CARM1: variants seen among roughly 807,000 people sequenced by gnomAD.
CARM1 encodes histone-arginine methyltransferase CARM1.
A neutral mutation model predicts 72.7 loss-of-function variants in CARM1; 14 were observed. The ratio of observed to expected loss-of-function variants is 0.19; its 90% CI spans 0.13 to 0.30. The LOEUF (loss-of-function observed/expected upper bound fraction) is 0.30. CARM1 is among the 10% of genes least tolerant of loss of function. The probability of loss-of-function intolerance (pLI) is 1.00; values close to 1 mark genes in which losing one functional copy is unlikely to be tolerated. For missense variants in CARM1, 432 were observed against 833.7 expected (o/e 0.52, Z 5.93); for synonymous variants, 333 against 345.5 (o/e 0.96, Z 0.40).
rs2074185456 is a variant in CARM1 at position 10,915,193 on chromosome 19, G to A, written c.847+1139G>A. 1.3e-5 allele frequency among the ~76,000 whole-genome samples: 2 copies of A among 152,166 alleles called. No individual in the cohort carries two copies. The highest frequency in any genetic ancestry group is 2.9e-5 in the Non-Finnish European group (2 of 68,024). On this transcript the variant is annotated intron_variant, in intron 6 of 15. Transcript: ENST00000327064. The surrounding 1 kb of genome is among the most constrained non-coding windows in gnomAD (Gnocchi z 4.6). ...GTGGCGTCCCACAGCTGTGTCTCAT[G>A]TCTTGGGTGTGAGTATGGGAAGCAA...
chr19:10,897,833 C>T (rs1001616361), intron 1 of CARM1, among the ~76,000 whole-genome samples: 2 of 152,094 alleles, frequency 1.3e-5, no homozygotes, highest in African/African-American at 2.4e-5. Flanking sequence ...AGGCTGGATG[C>T]GGTGGCTCAC....
At chr19:10,894,178 G>A (rs1008632483) in intron 1 of CARM1, among the ~76,000 whole-genome samples, 2 of 152,110 alleles carry the variant, frequency 1.3e-5, no homozygotes, top group Non-Finnish European at 2.9e-5. Context: ...TCCTCTCAGC[G>A]CTTACTGCCA....
chr19:10,892,466 G>A (rs2073995128), intron 1 of CARM1, among the ~76,000 whole-genome samples: 1 of 152,230 alleles, frequency 6.6e-6, no homozygotes. Flanking sequence ...CCGGGGCTGG[G>A]CAGCACAGTG....
intron 3 of CARM1, 43 bp downstream of exon 3, chr19:10,908,188 G>GC (rs748235386): frequency 3.0e-6 from 4 of 1,318,110 alleles, no homozygotes; most frequent in Admixed American, 3.5e-5. Context: ...CCCCCCGGCA[G>GC]CCCCCCTGCC....
intron 1 of CARM1, among the ~76,000 whole-genome samples, chr19:10,886,816 A>G (rs1324941719): frequency 2.0e-5 from 3 of 151,836 alleles, no homozygotes; most frequent in Non-Finnish European, 4.4e-5. Context: ...GGATGATAGA[A>G]TGAGATTCCA....
At chr19:10,898,140 C>G (rs1286173144) in intron 1 of CARM1, among the ~76,000 whole-genome samples, 1 of 151,348 alleles carries the variant, frequency 6.6e-6, no homozygotes, top group African/African-American at 2.4e-5. Context: ...AACCCTGTCT[C>G]TAATAAAAAT....
chr19:10,889,918 A>G (rs906998252), intron 1 of CARM1, among the ~76,000 whole-genome samples: 1 of 152,158 alleles, frequency 6.6e-6, no homozygotes, highest in African/African-American at 2.4e-5. Context: ...GCTTTATACT[A>G]ACTCTGGTGG....
intron 1 of CARM1, among the ~76,000 whole-genome samples, chr19:10,904,328 C>T (rs762556263): frequency 1.3e-5 from 2 of 152,242 alleles, no homozygotes; most frequent in Non-Finnish European, 1.5e-5. Context: ...TTCCTGGCAT[C>T]GCTAAGTTTC....
chr19:10,921,259 G>A lies in CARM1; in HGVS notation c.1616-116G>A, dbSNP rs149030143. 4,641 of 1,446,016 alleles carry A rather than the reference G, an allele frequency of 3.2e-3. 12 individuals are homozygous for A. Among genetic ancestry groups the A allele is most frequent in the Non-Finnish European group, 3.9e-3 (4,068 of 1,034,934 alleles). 89.6% of individuals were successfully genotyped at this position (1,446,016 alleles called of 1,614,324 possible). A position where few individuals can be genotyped will look rare whatever the true frequency, so the allele number is the denominator to read the frequency against. On this transcript the variant is annotated intron_variant, in intron 14 of 15. Coordinates refer to ENST00000327064, the MANE Select transcript of CARM1 (RefSeq NM_199141.2). ...CCTTTTCCTCTTCCTGGGGGCTCTC[G>A]GCCGAGGCTCTCCGTCCTCTCTGCC...
chr19:10,878,579 G>A (rs2073879820), intron 1 of CARM1, among the ~76,000 whole-genome samples: 1 of 152,210 alleles, frequency 6.6e-6, no homozygotes, highest in African/African-American at 2.4e-5. Flanking sequence ...TGGTTGGCAG[G>A]CAGCAGAGAT....
At chr19:10,914,689 G>A (rs1021221841) in intron 6 of CARM1, among the ~76,000 whole-genome samples, 3 of 152,214 alleles carry the variant, frequency 2.0e-5, no homozygotes, top group African/African-American at 7.2e-5. Flanking sequence ...CTGAGTAGCT[G>A]GGATTACAGG....
chr19:10,878,122 G>A (rs2073876895), intron 1 of CARM1, among the ~76,000 whole-genome samples: 1 of 152,166 alleles, frequency 6.6e-6, no homozygotes, highest in African/African-American at 2.4e-5. Context: ...TGGGATTATA[G>A]TCACGAACCG....
intron 1 of CARM1, among the ~76,000 whole-genome samples, chr19:10,885,413 G>T (rs1291919066): frequency 1.3e-5 from 2 of 152,172 alleles, no homozygotes; most frequent in African/African-American, 2.4e-5. Flanking sequence ...CGGAGCTGGG[G>T]TTCATTTTTG....
intron 1 of CARM1, among the ~76,000 whole-genome samples, chr19:10,881,430 T>C (rs761892072): frequency 2.8e-4 from 42 of 152,016 alleles, no homozygotes; most frequent in African/African-American, 8.0e-4. Context: ...TGGTAAGGGA[T>C]TGGGGGCTCT....
At chr19:10,874,678 C>T (rs904645608) in intron 1 of CARM1, among the ~76,000 whole-genome samples, 3 of 152,294 alleles carry the variant, frequency 2.0e-5, no homozygotes, top group Admixed American at 6.5e-5. Context: ...AGGCATGAGC[C>T]ACCGCACCGC....
chr19:10,897,971 G>A (rs1372976401), intron 1 of CARM1, among the ~76,000 whole-genome samples: 1 of 152,136 alleles, frequency 6.6e-6, no homozygotes, highest in Non-Finnish European at 1.5e-5. Context: ...GCCGGGCGAG[G>A]TGGCGGGCGC....
chr19:10,914,426 T>G (rs2074179240), intron 6 of CARM1, among the ~76,000 whole-genome samples: 1 of 152,056 alleles, frequency 6.6e-6, no homozygotes, highest in Admixed American at 6.5e-5. Context: ...GGAGGTGGGG[T>G]GGGCGAGCAT....
intron 1 of CARM1, among the ~76,000 whole-genome samples, chr19:10,874,372 T>C (rs1200049527): frequency 6.6e-6 from 1 of 151,978 alleles, no homozygotes; most frequent in Non-Finnish European, 1.5e-5. Flanking sequence ...TTTTTTTTCT[T>C]TCTTTTTTAT....
rs143753697 is a variant in CARM1 at position 10,920,885 on chromosome 19, C to T, written c.1476C>T (p.Pro492=). ...CACCCGGCTCCCACTACACATCTCC[C>T]TCGGAAAACATGTGGAACACGGGCA... ...SPPPGSHYTS[P]SENMWNTGST... The change falls in exon 13 of 16, where the codon CCC becomes CCT. Residue 492 remains proline (P), a synonymous_variant. Coordinates refer to ENST00000327064, the MANE Select transcript of CARM1 (RefSeq NM_199141.2). This position sits in a 1 kb window ranked among gnomAD's most constrained non-coding sequence, Gnocchi z 5.3. The T allele has an allele frequency of 2.5e-6, 4 of 1,614,126 alleles. No individual in the cohort carries two copies. In the African/African-American group the frequency reaches 4.0e-5, roughly 16 times the overall value.
Sources: allele counts gnomAD v4.1 joint callset (sites outside exome capture counted in the v4.1 genomes callset), GRCh38; gene constraint gnomAD v4.1.1; non-coding constraint Gnocchi (gnomAD v3.1); transcripts MANE v1.5; gene names NCBI Gene and HGNC (gene_info 2026-07-23, HGNC 2026-07-21).